COL25A1: variants seen among roughly 807,000 people sequenced by gnomAD.
COL25A1 encodes collagen alpha-1(XXV) chain.
In COL25A1, 103 loss-of-function variants were observed where a neutral mutation model predicts 128.4. The observed-to-expected ratio is 0.80, with a 90% CI of 0.68 to 0.94. The LOEUF is 0.94. Among genes scored for constraint, COL25A1 ranks in the 40% least tolerant of loss-of-function variants. COL25A1 has a pLI of 0.00. For missense variants in COL25A1, 745 were observed against 840.0 expected, an observed-to-expected ratio of 0.89 and a Z score of 1.40; for synonymous variants, 279 against 277.2, an observed-to-expected ratio of 1.01 and a Z score of -0.06.
intron 16 of COL25A1, among the ~76,000 whole-genome samples, chr4:108,895,393 AT>A (rs937998370): frequency 2.0e-5 from 3 of 152,148 alleles, no homozygotes; most frequent in African/African-American, 7.2e-5. Context: ...TCTATTTTCA[AT>A]TTCTTAAAAG....
intron 11 of COL25A1, among the ~76,000 whole-genome samples, chr4:108,931,788 T>C (rs1367944336): frequency 1.3e-5 from 2 of 152,128 alleles, no homozygotes; most frequent in African/African-American, 4.8e-5. Flanking sequence ...TTGTCTACTT[T>C]TTCTGGTCCC....
intron 5 of COL25A1, among the ~76,000 whole-genome samples, chr4:109,015,493 C>T (rs762660780): frequency 2.6e-5 from 4 of 152,152 alleles, no homozygotes; most frequent in Admixed American, 6.5e-5. Context: ...ATCTAGTAAA[C>T]GTAAAAGCCA....
chr4:109,025,895 A>T (rs1303504027), intron 5 of COL25A1, among the ~76,000 whole-genome samples: 2 of 152,188 alleles, frequency 1.3e-5, no homozygotes, highest in Non-Finnish European at 2.9e-5. Flanking sequence ...TTAGTCAAAC[A>T]GCTTCTAAAA....
chr4:108,968,948 G>A (rs1461658171), intron 8 of COL25A1, among the ~76,000 whole-genome samples: 1 of 152,038 alleles, frequency 6.6e-6, no homozygotes, highest in African/African-American at 2.4e-5. Flanking sequence ...CTTCAAGACT[G>A]GTCTTGAATT....
chr4:109,265,696 T>G (rs1215923603), intron 3 of COL25A1, among the ~76,000 whole-genome samples: 4 of 152,140 alleles, frequency 2.6e-5, no homozygotes, highest in Non-Finnish European at 4.4e-5. Context: ...GGTCCTGTGC[T>G]GCACACCACC....
chr4:109,106,707 C>A (rs890526068), intron 3 of COL25A1, among the ~76,000 whole-genome samples: 5 of 151,628 alleles, frequency 3.3e-5, no homozygotes, highest in Admixed American at 1.3e-4. Context: ...AGTATTTCAG[C>A]CCCACCAATC....
intron 13 of COL25A1, among the ~76,000 whole-genome samples, chr4:108,917,175 T>A (rs1262862453): frequency 3.3e-5 from 5 of 152,164 alleles, no homozygotes; most frequent in Non-Finnish European, 5.9e-5. Context: ...AGTGGAAGAC[T>A]CATGCTCTTA....
At chr4:108,850,172 A>G (rs921790849) in intron 26 of COL25A1, among the ~76,000 whole-genome samples, 1 of 152,162 alleles carries the variant, frequency 6.6e-6, no homozygotes, top group African/African-American at 2.4e-5. Context: ...ATAATTCATG[A>G]GTTATTCATT....
chr4:108,842,383 C>T (rs1428933113), intron 30 of COL25A1, among the ~76,000 whole-genome samples: 1 of 152,138 alleles, frequency 6.6e-6, no homozygotes, highest in Non-Finnish European at 1.5e-5. Context: ...ATAATGCATG[C>T]ATGAATCAGG....
intron 3 of COL25A1, among the ~76,000 whole-genome samples, chr4:109,097,662 A>AATTTTT (rs1553931885): frequency 8.0e-6 from 1 of 124,648 alleles, no homozygotes; most frequent in East Asian, 2.4e-4. Context: ...GTAAACATCA[A>AATTTTT]TTTTTTTTTT....
intron 18 of COL25A1, among the ~76,000 whole-genome samples, chr4:108,886,492 G>GTGTGTTTTTTTTT (rs58157157): frequency 1.8e-5 from 2 of 109,248 alleles, no homozygotes; most frequent in African/African-American, 8.0e-5. Flanking sequence ...GTGTGTGTGT[G>GTGTGTTTTTTTTT]TTTAGCTCAT....
intron 3 of COL25A1, among the ~76,000 whole-genome samples, chr4:109,116,158 A>T (rs1302469682): frequency 2.6e-5 from 4 of 152,058 alleles, no homozygotes; most frequent in African/African-American, 9.7e-5. Flanking sequence ...GGGACACAGT[A>T]ATGGGGCCCC....
At chr4:109,300,988 A>G (rs1292575984) in intron 2 of COL25A1, among the ~76,000 whole-genome samples, 6 of 152,216 alleles carry the variant, frequency 3.9e-5, no homozygotes, top group Non-Finnish European at 8.8e-5. Flanking sequence ...CTTACCAATA[A>G]CAGCCAATAT....
intron 6 of COL25A1, among the ~76,000 whole-genome samples, chr4:109,008,231 C>T (rs539299828): frequency 2.1e-4 from 32 of 152,162 alleles, no homozygotes; most frequent in African/African-American, 5.8e-4. Flanking sequence ...CAGCTGTGAA[C>T]GTCAACAGTA....
chr4:108,974,667 G>T, intron 6 of COL25A1, 108 bp from the exon 7 acceptor site: 1 of 884,194 alleles, frequency 1.1e-6, no homozygotes, highest in Non-Finnish European at 1.7e-6. Flanking sequence ...AGAGATAGCT[G>T]TCAATGAGGT....
chr4:109,231,513 G>A (rs1196386184), intron 3 of COL25A1, among the ~76,000 whole-genome samples: 1 of 152,160 alleles, frequency 6.6e-6, no homozygotes, highest in Non-Finnish European at 1.5e-5. Context: ...AGAAATCCAG[G>A]AAAGACAACT....
intron 3 of COL25A1, among the ~76,000 whole-genome samples, chr4:109,239,426 ATT>A (rs1441579357): frequency 1.1e-4 from 15 of 137,280 alleles, no homozygotes; most frequent in African/African-American, 3.7e-4. Flanking sequence ...ATATATATTT[ATT>A]TATTTATTTA....
intron 22 of COL25A1, among the ~76,000 whole-genome samples, chr4:108,861,281 C>T (rs137996889): frequency 1.3e-5 from 2 of 152,234 alleles, no homozygotes; most frequent in East Asian, 3.9e-4. Flanking sequence ...CCAAAGTAAG[C>T]TTTTACCTTG....
chr4:109,289,211 T>C (rs983727), intron 3 of COL25A1, among the ~76,000 whole-genome samples: 14,179 of 152,144 alleles, frequency 0.093, 771 homozygotes, highest in East Asian at 0.23. Context: ...CTTTTATCTA[T>C]AGACATGCAA....
Sources: gnomAD v4.1 joint callset for allele counts (sites outside exome capture counted in the v4.1 genomes callset) on GRCh38, gnomAD v4.1.1 for gene constraint, MANE v1.5 for transcripts, NCBI Gene and HGNC (gene_info 2026-07-23, HGNC 2026-07-21) for gene names.